The following REV1 variants were observed in gnomAD, a reference collection of about 807,000 sequenced individuals.
REV1 encodes the protein REV1 DNA directed polymerase.
In REV1, 42 loss-of-function variants were observed where a neutral mutation model predicts 137.4. The observed-to-expected ratio is 0.31, with a 90% confidence interval of 0.24 to 0.40. The LOEUF (loss-of-function observed/expected upper bound fraction) is 0.40. Ranked by LOEUF, REV1 falls within the 10% of genes least tolerant of loss-of-function variation. The pLI, the probability that REV1 is intolerant of heterozygous loss-of-function variation, is 1.00. For synonymous variants in REV1, 524 were observed against 519.2 expected (o/e 1.01, Z -0.12); for missense variants, 1,282 against 1,490.1 (o/e 0.86, Z 2.30).
chr2:99,480,296 C>T (rs1686477301), intron 1 of REV1, among the ~76,000 whole-genome samples: 1 of 152,020 alleles, frequency 6.6e-6, no homozygotes, highest in Admixed American at 6.6e-5. Context: ...GCACTCAGGC[C>T]TAGACTATAG....
intron 1 of REV1, among the ~76,000 whole-genome samples, chr2:99,475,156 A>G (rs190383605): frequency 2.6e-5 from 4 of 152,308 alleles, no homozygotes; most frequent in African/African-American, 9.6e-5. Flanking sequence ...TTGCCATGAG[A>G]GTACAAGGAA....
rs746639186 is a variant in REV1 at position 99,421,573 on chromosome 2, G to T, written c.1757C>A (p.Thr586Asn). ...AACAGCATTTGCAAATTCATCAGGA[G>T]TAAGTTTGGTCTCTGCAAGGATTTC... ...ITEILAETKL[T>N]PDEFANAVRM... The change falls in exon 11 of 23, where the codon ACT becomes AAT. Residue 586 changes from threonine (T) to asparagine (N), a missense_variant. Transcript: ENST00000258428. 2.5e-6 allele frequency: 4 copies of T among 1,614,114 alleles called. No homozygotes were observed. In the African/African-American group the frequency reaches 4.0e-5, roughly 16 times the overall value.
intron 9 of REV1, among the ~76,000 whole-genome samples, chr2:99,425,104 T>A (rs1679171213): frequency 6.6e-6 from 1 of 152,180 alleles, no homozygotes; most frequent in Admixed American, 6.5e-5. Flanking sequence ...AATTACATAT[T>A]ATATAATAGG....
intron 5 of REV1, among the ~76,000 whole-genome samples, chr2:99,441,547 T>A (rs1174844043): frequency 1.3e-5 from 2 of 152,050 alleles, no homozygotes; most frequent in Non-Finnish European, 2.9e-5. Flanking sequence ...AAACTTCCAT[T>A]TATATATTTA....
In REV1 at chr2:99,421,353, T is replaced by C. The variant is rs918671185; in HGVS notation, c.1831+146A>G. The C allele has an allele frequency of 3.3e-5, 19 of 580,920 alleles. No homozygotes were observed. The East Asian group carries it at 3.3e-4, about 10-fold the overall frequency. The allele number at this position is 580,920 out of a possible 1,614,324, so 36.0% of individuals were successfully genotyped here. On this transcript the variant is annotated intron_variant, in intron 11 of 22. Transcript: ENST00000258428. ...CATTTACTTATATTTCCAGCACTTA[T>C]CTCGTGTGTCACACAATTGTAAGCA...
intron 1 of REV1, among the ~76,000 whole-genome samples, chr2:99,466,463 A>G (rs1472312577): frequency 6.7e-6 from 1 of 148,776 alleles, no homozygotes; most frequent in Non-Finnish European, 1.5e-5. Flanking sequence ...GCTGGTCTTG[A>G]ACCTCTGACC....
intron 5 of REV1, among the ~76,000 whole-genome samples, chr2:99,442,050 G>A (rs1233234341): frequency 2.0e-5 from 3 of 151,466 alleles, no homozygotes; most frequent in African/African-American, 7.3e-5. Flanking sequence ...CCAGGAGTTC[G>A]AGACCAGCCT....
chr2:99,416,929 A>AAAAAAT (rs1385869719), intron 12 of REV1, among the ~76,000 whole-genome samples: 2 of 151,094 alleles, frequency 1.3e-5, no homozygotes, highest in African/African-American at 4.9e-5. Context: ...AAAAAAAAAA[A>AAAAAAT]AAAAGAAATA....
chr2:99,444,090 G>A (rs1681871996), intron 4 of REV1, among the ~76,000 whole-genome samples: 1 of 152,140 alleles, frequency 6.6e-6, no homozygotes, highest in Admixed American at 6.5e-5. Context: ...AAAGTGCTGG[G>A]ATTACAGGTG....
intron 1 of REV1, among the ~76,000 whole-genome samples, chr2:99,488,450 G>T (rs1575279446): frequency 8.7e-6 from 1 of 114,390 alleles, no homozygotes. Context: ...GTTTGGTACA[G>T]ACTCTACCCT....
intron 3 of REV1, among the ~76,000 whole-genome samples, chr2:99,449,728 A>C (rs1381996399): frequency 6.6e-6 from 1 of 151,148 alleles, no homozygotes; most frequent in Non-Finnish European, 1.5e-5. Flanking sequence ...CTAACACAAA[A>C]ACATCTAAGA....
chr2:99,404,742 T>C, intron 17 of REV1, 65 bp from the exon 18 acceptor site: 1 of 1,055,708 alleles, frequency 9.5e-7, no homozygotes. Context: ...GTTTGGGAGT[T>C]AACACGCCAC....
chr2:99,424,742 A>G (rs1414418497), intron 9 of REV1: 1 of 1,300,566 alleles, frequency 7.7e-7, no homozygotes, highest in Non-Finnish European at 1.0e-6. Context: ...GTGCTATGTG[A>G]CAAACAGACA....
At chr2:99,468,105 G>C in intron 1 of REV1, among the ~76,000 whole-genome samples, 1 of 152,016 alleles carries the variant, frequency 6.6e-6, no homozygotes, top group Middle Eastern at 3.4e-3. Flanking sequence ...GCTTGAACCC[G>C]GGAGGCGGAG....
chr2:99,489,562 A>G lies in REV1; in HGVS notation c.-11+255T>C, dbSNP rs1238675061. On this transcript the variant is annotated intron_variant, in intron 1 of 22. Coordinates refer to ENST00000258428, the MANE Select transcript of REV1 (RefSeq NM_016316.4). ...GCGGCGGCGCGGGGCCGGCCGCGCC[A>G]TGACGGAAGGGAAGGGGAGGGGAGG... is the stretch of plus-strand genomic sequence containing the variant. Among the ~76,000 whole-genome samples the G allele has an allele frequency of 1.1e-4, 16 of 147,996 alleles. No individual in the cohort carries two copies. In the East Asian group the frequency reaches 2.8e-3, roughly 26 times the overall value.
intron 4 of REV1, among the ~76,000 whole-genome samples, chr2:99,444,150 G>A (rs1488071301): frequency 6.6e-6 from 1 of 152,150 alleles, no homozygotes; most frequent in Non-Finnish European, 1.5e-5. Flanking sequence ...GGTCTCAATT[G>A]CCTAACTATA....
At chr2:99,423,360 T>C (rs150331394) in intron 10 of REV1, among the ~76,000 whole-genome samples, 8 of 152,292 alleles carry the variant, frequency 5.3e-5, no homozygotes, top group African/African-American at 1.9e-4. Flanking sequence ...TGGCCTAACA[T>C]CCAGTAAATG....
At chr2:99,427,715 AAT>A (rs1679565989) in intron 9 of REV1, among the ~76,000 whole-genome samples, 1 of 152,250 alleles carries the variant, frequency 6.6e-6, no homozygotes. Flanking sequence ...TTTCACTAGG[AAT>A]AGCCTTCTAG....
chr2:99,487,126 A>G (rs1408846591), intron 1 of REV1, among the ~76,000 whole-genome samples: 3 of 152,248 alleles, frequency 2.0e-5, no homozygotes, highest in Middle Eastern at 3.2e-3. Context: ...AATAGTAAGT[A>G]TAACATCCTA....
Sources: gnomAD v4.1 joint callset for allele counts (sites outside exome capture counted in the v4.1 genomes callset) on GRCh38, gnomAD v4.1.1 for gene constraint, MANE v1.5 for transcripts, NCBI Gene and HGNC (gene_info 2026-07-23, HGNC 2026-07-21) for gene names.